KCNH7: variants seen among roughly 807,000 people sequenced by gnomAD.
KCNH7 encodes the protein voltage-gated inwardly rectifying potassium channel KCNH7.
Under a neutral mutation model 120.8 loss-of-function variants are expected in KCNH7, and 49 were observed. That is an observed-to-expected ratio of 0.41 (90% CI 0.32 to 0.51). The LOEUF (loss-of-function observed/expected upper bound fraction) is 0.51, where lower values mean the gene tolerates loss of function less well. Ranked by LOEUF, KCNH7 falls within the 20% of genes least tolerant of loss-of-function variation. The pLI is 0.38. For missense variants in KCNH7, 1,097 were observed against 1,446.6 expected (o/e 0.76, Z 3.92); for synonymous variants, 547 against 516.1 (o/e 1.06, Z -0.81).
At chr2:162,457,938 T>C (rs1479384566) in intron 6 of KCNH7, among the ~76,000 whole-genome samples, 2 of 152,152 alleles carry the variant, frequency 1.3e-5, no homozygotes, top group Non-Finnish European at 2.9e-5. Context: ...TGATTACCTA[T>C]TCAAATTATA....
intron 2 of KCNH7, among the ~76,000 whole-genome samples, chr2:162,707,222 C>A (rs1686741531): frequency 6.6e-6 from 1 of 151,864 alleles, no homozygotes; most frequent in African/African-American, 2.4e-5. Flanking sequence ...GAGGTTAATT[C>A]AGGAATATCT....
chr2:162,660,691 ACTC>A (rs1441672162), intron 2 of KCNH7, among the ~76,000 whole-genome samples: 1 of 152,002 alleles, frequency 6.6e-6, no homozygotes, highest in Non-Finnish European at 1.5e-5. Context: ...TTGTTCAAAA[ACTC>A]CTAATTTTTC....
intron 10 of KCNH7, among the ~76,000 whole-genome samples, chr2:162,398,500 G>A (rs1226310411): frequency 6.6e-6 from 1 of 151,770 alleles, no homozygotes; most frequent in East Asian, 1.9e-4. Flanking sequence ...TGGAAGTAGG[G>A]ACAGAAAAGG....
At chr2:162,429,391 T>TTTTTTTTTTTTTTTTTTTTTA (rs1687988501) in intron 8 of KCNH7, among the ~76,000 whole-genome samples, 3 of 145,412 alleles carry the variant, frequency 2.1e-5, no homozygotes, top group Non-Finnish European at 3.0e-5. Flanking sequence ...GTCTTTTTTT[T>TTTTTTTTTTTTTTTTTTTTTA]TTTTTTTTTT....
intron 2 of KCNH7, among the ~76,000 whole-genome samples, chr2:162,551,913 AT>A (rs1381938148): frequency 1.3e-5 from 2 of 152,228 alleles, no homozygotes; most frequent in Non-Finnish European, 2.9e-5. Flanking sequence ...TCTAAAGCCC[AT>A]TGAGAATAAT....
rs368380781 is a variant in KCNH7 at position 162,678,800 on chromosome 2, C to T, written c.308-141720G>A. 7.9e-5 allele frequency among the ~76,000 whole-genome samples: 12 copies of T among 151,612 alleles called. No homozygotes were observed. The East Asian group carries it at 2.3e-3, about 29-fold the overall frequency. ...ATTGGTCATATTTTCCTAGGAAGTA[C>T]TGAGCATGTTTAGGGAATGGGGAAA... On this transcript the variant is annotated intron_variant, in intron 2 of 15. Coordinates refer to ENST00000332142, the MANE Select transcript of KCNH7 (RefSeq NM_033272.4).
chr2:162,437,604 T>C (rs1371028533), intron 7 of KCNH7, among the ~76,000 whole-genome samples: 2 of 152,142 alleles, frequency 1.3e-5, no homozygotes, highest in Non-Finnish European at 2.9e-5. Flanking sequence ...GTTATTCATT[T>C]AATCTTACAC....
At chr2:162,823,596 T>A (rs1382053200) in intron 2 of KCNH7, among the ~76,000 whole-genome samples, 1 of 152,170 alleles carries the variant, frequency 6.6e-6, no homozygotes, top group Non-Finnish European at 1.5e-5. Flanking sequence ...TATAACATAG[T>A]CTTTATTACA....
At chr2:162,512,548 C>A (rs1048215599) in intron 5 of KCNH7, 106 bp downstream of exon 5, 4 of 916,876 alleles carry the variant, frequency 4.4e-6, no homozygotes, top group Non-Finnish European at 5.1e-6. Context: ...TAGCTAAGGG[C>A]AGCATGAAGA....
At chr2:162,545,007 T>G (rs1692430244) in intron 2 of KCNH7, among the ~76,000 whole-genome samples, 1 of 152,210 alleles carries the variant, frequency 6.6e-6, no homozygotes, top group African/African-American at 2.4e-5. Flanking sequence ...TCTGAATGTC[T>G]TCCATGTGCC....
intron 12 of KCNH7, among the ~76,000 whole-genome samples, chr2:162,390,842 C>A (rs7575250): frequency 0.017 from 2,546 of 152,088 alleles, 200 homozygotes; most frequent in Admixed American, 0.15. Flanking sequence ...CCGTCATCAA[C>A]AAATTCATTA....
At position 162,400,363 on chromosome 2, in the gene KCNH7, CTTTG is replaced by C; in HGVS notation, c.2229_2232del (p.Cys743TrpfsTer16). On this transcript the variant is annotated frameshift_variant, in exon 10 of 16. Coordinates refer to ENST00000332142, the MANE Select transcript of KCNH7 (RefSeq NM_033272.4). LOFTEE classifies it high-confidence loss of function. ...CAACCTTTACTTGCCCCCCGAAAGG[CTTTG>C]CAGTTTTGCAGCAATGTCTGGTTGA... The C allele has an allele frequency of 6.2e-7, 1 of 1,612,432 alleles. No individual in the cohort carries two copies. The highest frequency in any genetic ancestry group is 8.5e-7 in the Non-Finnish European group (1 of 1,178,984).
chr2:162,566,082 T>C (rs1345958041), intron 2 of KCNH7, among the ~76,000 whole-genome samples: 1 of 152,046 alleles, frequency 6.6e-6, no homozygotes, highest in Non-Finnish European at 1.5e-5. Context: ...TTAATGCTCA[T>C]AGTGGGGGAC....
intron 2 of KCNH7, among the ~76,000 whole-genome samples, chr2:162,555,595 G>A (rs1692825387): frequency 6.6e-6 from 1 of 152,060 alleles, no homozygotes; most frequent in Admixed American, 6.5e-5. Flanking sequence ...AAAAATAAAA[G>A]TTCTGTTTGT....
chr2:162,767,909 G>A (rs1332468686), intron 2 of KCNH7, among the ~76,000 whole-genome samples: 2 of 152,080 alleles, frequency 1.3e-5, no homozygotes, highest in African/African-American at 2.4e-5. Context: ...GAATCACAAG[G>A]CTATTTATAA....
chr2:162,451,333 C>G (rs984266821), intron 6 of KCNH7, among the ~76,000 whole-genome samples: 1 of 151,886 alleles, frequency 6.6e-6, no homozygotes, highest in Admixed American at 6.6e-5. Context: ...TCAAACGAAC[C>G]AACTCTATCC....
chr2:162,698,091 A>C (rs1356404823), intron 2 of KCNH7, among the ~76,000 whole-genome samples: 1 of 152,178 alleles, frequency 6.6e-6, no homozygotes, highest in African/African-American at 2.4e-5. Flanking sequence ...CATAGACTCT[A>C]GTTCATCTTT....
At chr2:162,460,284 C>T (rs916257590) in intron 6 of KCNH7, among the ~76,000 whole-genome samples, 8 of 152,036 alleles carry the variant, frequency 5.3e-5, no homozygotes, top group African/African-American at 1.7e-4. Flanking sequence ...GAAGACCAAA[C>T]TCACTCTGCT....
chr2:162,491,487 A>G (rs1690306234), intron 6 of KCNH7, among the ~76,000 whole-genome samples: 1 of 152,152 alleles, frequency 6.6e-6, no homozygotes, highest in African/African-American at 2.4e-5. Context: ...GATTCCTGAC[A>G]ATTAGGCCCC....
Sources: allele counts gnomAD v4.1 joint callset (sites outside exome capture counted in the v4.1 genomes callset), GRCh38; gene constraint gnomAD v4.1.1; transcripts MANE v1.5; gene names NCBI Gene and HGNC (gene_info 2026-07-23, HGNC 2026-07-21).